NFIB: variants seen among roughly 807,000 people sequenced by gnomAD.
NFIB encodes the protein nuclear factor 1 B-type.
In NFIB, 11 loss-of-function variants were observed where a neutral mutation model predicts 61.5. The ratio of observed to expected loss-of-function variants is 0.18; its 90% CI spans 0.11 to 0.30. The LOEUF (loss-of-function observed/expected upper bound fraction) is 0.30. Among genes scored for constraint, NFIB ranks in the 10% least tolerant of loss-of-function variants. The pLI is 1.00. For missense variants in NFIB, 471 were observed against 608.9 expected, an observed-to-expected ratio of 0.77 and a Z score of 2.38; for synonymous variants, 260 against 216.5, an observed-to-expected ratio of 1.20 and a Z score of -1.76.
the NFIB span, among the ~76,000 whole-genome samples, chr9:14,420,021 G>C: frequency 6.6e-6 from 1 of 152,144 alleles, no homozygotes; most frequent in African/African-American, 2.4e-5. Context: ...GACAGGACCT[G>C]ATATACATGC....
chr9:14,511,086 A>T, the NFIB span, among the ~76,000 whole-genome samples: 2 of 152,206 alleles, frequency 1.3e-5, no homozygotes, highest in Non-Finnish European at 2.9e-5. Context: ...AAATATTGCC[A>T]ATTTGCCTTC....
chr9:14,505,593 C>T, the NFIB span, among the ~76,000 whole-genome samples: 24 of 152,266 alleles, frequency 1.6e-4, 1 homozygote, highest in Admixed American at 1.2e-3. Context: ...CCACTTACTC[C>T]ACCCCATGCC....
the NFIB span, among the ~76,000 whole-genome samples, chr9:14,490,467 G>T: frequency 3.9e-5 from 6 of 152,102 alleles, no homozygotes; most frequent in African/African-American, 1.4e-4. Context: ...TAATACATTT[G>T]ATTATGTTAA....
At chr9:14,232,196 C>T (rs1242265237) in intron 2 of NFIB, among the ~76,000 whole-genome samples, 4 of 152,144 alleles carry the variant, frequency 2.6e-5, no homozygotes, top group Non-Finnish European at 4.4e-5. Flanking sequence ...AAGAAAAAAA[C>T]GTATGCCATG....
rs149622629 is a variant in NFIB, at chr9:14,086,067, G to A, written c.*2242C>T. On this transcript the variant is annotated 3_prime_UTR_variant, in exon 11 of 11. Coordinates refer to ENST00000380953, the MANE Select transcript of NFIB (RefSeq NM_001190737.2). ...GTTTGCTTGTTCTTACTATTGTGTTGTTATGAAAACCAGTAATGAGTTCAG... is the reference window on the plus strand; with the variant it reads ...GTTTGCTTGTTCTTACTATTGTGTTATTATGAAAACCAGTAATGAGTTCAG... 1.6e-3 allele frequency: 374 copies of A among 226,706 alleles called. 2 individuals carry two copies. The highest frequency in any genetic ancestry group is 2.5e-3 in the Non-Finnish European group (286 of 113,614). The allele number at this position is 226,706 out of a possible 1,614,324, so 14.0% of individuals were successfully genotyped here.
intron 1 of NFIB, among the ~76,000 whole-genome samples, chr9:14,327,117 C>A (rs1364558549): frequency 6.6e-6 from 1 of 151,098 alleles, no homozygotes; most frequent in African/African-American, 2.4e-5. Context: ...TTTTTTTAAC[C>A]ATTTTCAAAA....
At chr9:14,503,241 G>A in the NFIB span, among the ~76,000 whole-genome samples, 1 of 151,914 alleles carries the variant, frequency 6.6e-6, no homozygotes, top group African/African-American at 2.4e-5. Context: ...AAATTGTGCT[G>A]CTATAAACAT....
chr9:14,107,797 T>C (rs1357043371), intron 10 of NFIB, among the ~76,000 whole-genome samples: 1 of 152,128 alleles, frequency 6.6e-6, no homozygotes, highest in Non-Finnish European at 1.5e-5. Flanking sequence ...TATCTGTAAA[T>C]AAAACCTTCA....
intron 7 of NFIB, among the ~76,000 whole-genome samples, chr9:14,121,313 A>G (rs1003898550): frequency 7.2e-5 from 11 of 152,222 alleles, no homozygotes; most frequent in Non-Finnish European, 1.5e-4. Context: ...TCAAACAAAC[A>G]AACAAACAAA....
chr9:14,380,807 G>C (rs113994922), intron 1 of NFIB, among the ~76,000 whole-genome samples: 1 of 152,084 alleles, frequency 6.6e-6, no homozygotes, highest in Admixed American at 6.5e-5. Context: ...AAGAGTCTCA[G>C]TGACTGCACA....
the NFIB span, among the ~76,000 whole-genome samples, chr9:14,456,309 C>A: frequency 3.1e-3 from 466 of 151,720 alleles, 1 homozygote; most frequent in African/African-American, 0.011. Flanking sequence ...GACACAGAAT[C>A]CAAAGGCCTA....
chr9:14,314,791 C>T (rs2060463405), upstream of NFIB, among the ~76,000 whole-genome samples: 1 of 133,954 alleles, frequency 7.5e-6, no homozygotes, highest in African/African-American at 2.8e-5. Flanking sequence ...AGAACCATGA[C>T]TTTTTTTTTT....
intron 10 of NFIB, among the ~76,000 whole-genome samples, chr9:14,092,978 G>C (rs910570518): frequency 1.8e-4 from 27 of 151,986 alleles, no homozygotes; most frequent in African/African-American, 6.5e-4. Flanking sequence ...AACATTTTCT[G>C]GTTATGTTTT....
At chr9:14,238,313 C>G (rs554464748) in intron 2 of NFIB, among the ~76,000 whole-genome samples, 1 of 152,226 alleles carries the variant, frequency 6.6e-6, no homozygotes, top group African/African-American at 2.4e-5. Flanking sequence ...TCAGATCACA[C>G]AGCACCTGGA....
At chr9:14,430,662 A>G in the NFIB span, among the ~76,000 whole-genome samples, 1 of 152,118 alleles carries the variant, frequency 6.6e-6, no homozygotes, top group Non-Finnish European at 1.5e-5. Context: ...GCTTACTGCA[A>G]CCTCTGCCTC....
intron 8 of NFIB, among the ~76,000 whole-genome samples, chr9:14,118,130 AT>A (rs1484240112): frequency 6.6e-6 from 1 of 151,890 alleles, no homozygotes; most frequent in Non-Finnish European, 1.5e-5. Flanking sequence ...ATAAAGACCC[AT>A]TTTTCCTTTC....
the NFIB span, among the ~76,000 whole-genome samples, chr9:14,452,238 G>A: frequency 2.0e-5 from 3 of 151,990 alleles, 1 homozygote; most frequent in African/African-American, 7.3e-5. Flanking sequence ...AGAGGTATGA[G>A]CTACTAAAAT....
intron 1 of NFIB, among the ~76,000 whole-genome samples, chr9:14,368,981 T>A (rs1163849806): frequency 6.6e-6 from 1 of 152,180 alleles, no homozygotes; most frequent in African/African-American, 2.4e-5. Context: ...GATTGGCACA[T>A]ATAGTAAGTG....
chr9:14,477,276 T>TA, the NFIB span, among the ~76,000 whole-genome samples: 3 of 152,102 alleles, frequency 2.0e-5, no homozygotes, highest in South Asian at 2.1e-4. Flanking sequence ...TGCCTATGAT[T>TA]AAAAAAAGAA....
Sources: allele counts gnomAD v4.1 joint callset (sites outside exome capture counted in the v4.1 genomes callset), GRCh38; gene constraint gnomAD v4.1.1; transcripts MANE v1.5; gene names NCBI Gene and HGNC (gene_info 2026-07-23, HGNC 2026-07-21).